SEC23IP: variants seen among roughly 807,000 people sequenced by gnomAD.
The protein encoded by SEC23IP is SEC23 interacting protein.
A neutral mutation model predicts 113.4 loss-of-function variants in SEC23IP; 70 were observed. That is an observed-to-expected ratio of 0.62 (90% CI 0.51 to 0.75). SEC23IP has a LOEUF of 0.75. Among genes scored for constraint, SEC23IP ranks in the 30% least tolerant of loss-of-function variants. SEC23IP has a pLI of 0.00. For synonymous variants in SEC23IP, 398 were observed against 421.0 expected, an observed-to-expected ratio of 0.95 and a Z score of 0.67; for missense variants, 1,160 against 1,204.9, an observed-to-expected ratio of 0.96 and a Z score of 0.55.
chr10:119,932,448 C>T, intron 16 of SEC23IP, 130 bp downstream of exon 16: 1 of 670,748 alleles, frequency 1.5e-6, no homozygotes. Flanking sequence ...AAAGGAAAAT[C>T]TGTTAAGATA....
intron 16 of SEC23IP, 67 bp downstream of exon 16, chr10:119,932,385 T>C: frequency 8.3e-7 from 1 of 1,200,698 alleles, no homozygotes; most frequent in Non-Finnish European, 1.2e-6. Context: ...TTAAAAGTTA[T>C]ATGATGATGC....
intron 6 of SEC23IP, chr10:119,914,464 C>G (rs1854976367): frequency 2.3e-6 from 1 of 430,946 alleles, no homozygotes; most frequent in African/African-American, 2.0e-5. Context: ...TCCATAGATA[C>G]AAACCTGCTG....
At position 119,932,440 on chromosome 10, in the gene SEC23IP, A is replaced by G. The variant is rs570973783; in HGVS notation, c.2758+122A>G. ...TGGTTAAATTATAGAAGCTCTTTAA[A>G]GGAAAATCTGTTAAGATAAACTGTA... On this transcript the variant is annotated intron_variant, in intron 16 of 18. Transcript: ENST00000369075. 1.1e-5 allele frequency: 8 copies of G among 704,958 alleles called. No homozygotes were observed. The East Asian group carries it at 2.2e-4, about 19-fold the overall frequency. 43.7% of individuals were successfully genotyped at this position (704,958 alleles called of 1,614,324 possible). A position where few individuals can be genotyped will look rare whatever the true frequency, so the allele number is the denominator to read the frequency against.
At chr10:119,908,783 A>C (rs1205790747) in intron 4 of SEC23IP, among the ~76,000 whole-genome samples, 1 of 152,196 alleles carries the variant, frequency 6.6e-6, no homozygotes, top group South Asian at 2.1e-4. Context: ...TTGTTAATGC[A>C]GCCCTAGGAA....
intron 1 of SEC23IP, among the ~76,000 whole-genome samples, chr10:119,894,429 A>G (rs1291169769): frequency 2.0e-5 from 3 of 152,256 alleles, no homozygotes; most frequent in Non-Finnish European, 4.4e-5. Flanking sequence ...GATGCTTGTC[A>G]CTACCTGACA....
chr10:119,935,102 C>T (rs369061355), intron 18 of SEC23IP, among the ~76,000 whole-genome samples: 2 of 152,218 alleles, frequency 1.3e-5, no homozygotes, highest in African/African-American at 2.4e-5. Context: ...CAGTGTTCCA[C>T]GTTTTGTGTA....
rs1024606149 is a variant in SEC23IP at position 119,940,991 on chromosome 10, A to C, written c.*426A>C. The C allele has an allele frequency of 6.6e-6, 1 of 152,188 alleles. No homozygotes were observed. The highest frequency in any genetic ancestry group is 1.5e-5 in the Non-Finnish European group (1 of 68,020). 9.4% of individuals were successfully genotyped at this position (152,188 alleles called of 1,614,324 possible). ...TTTATTAATGCAGTATGTTCTTTTT[A>C]TTCAAGTATGAACTTGTTGAGAAAC... On this transcript the variant is annotated 3_prime_UTR_variant, in exon 19 of 19. Transcript: ENST00000369075.
At chr10:119,921,782 A>G (rs1855258001) in intron 12 of SEC23IP, among the ~76,000 whole-genome samples, 1 of 152,106 alleles carries the variant, frequency 6.6e-6, no homozygotes, top group African/African-American at 2.4e-5. Flanking sequence ...AAATTAGATG[A>G]CTCTTAGGGT....
intron 17 of SEC23IP, among the ~76,000 whole-genome samples, chr10:119,933,468 T>C (rs1199981623): frequency 6.6e-6 from 1 of 152,312 alleles, no homozygotes; most frequent in East Asian, 1.9e-4. Flanking sequence ...CCAAGGAGAA[T>C]TGCAACACAG....
chr10:119,925,470 C>G (rs1855389831), intron 12 of SEC23IP, among the ~76,000 whole-genome samples: 1 of 152,136 alleles, frequency 6.6e-6, no homozygotes, highest in Non-Finnish European at 1.5e-5. Flanking sequence ...GAATTTTAAA[C>G]TATAGACATC....
At chr10:119,901,126 G>A (rs536588106) in intron 2 of SEC23IP, among the ~76,000 whole-genome samples, 24 of 149,658 alleles carry the variant, frequency 1.6e-4, no homozygotes, top group African/African-American at 5.9e-4. Flanking sequence ...CTACACTTCA[G>A]CCTCAGGAGT....
At position 119,926,385 on chromosome 10, in the gene SEC23IP, A is replaced by C. The variant is rs182349945; in HGVS notation, c.2313+158A>C. Among the ~76,000 whole-genome samples the C allele has an allele frequency of 4.7e-4, 72 of 152,352 alleles. 1 individual carries two copies. The highest frequency in any genetic ancestry group is 1.8e-4 in the Non-Finnish European group (12 of 68,038). ...AGTGAAAATTTTTTTCTTCTTCAAC[A>C]GTGCTCACAATAAGGGATTAAATGC... On this transcript the variant is annotated intron_variant, in intron 13 of 18. Transcript: ENST00000369075.
intron 10 of SEC23IP, 134 bp downstream of exon 10, chr10:119,918,645 G>C (rs1237045965): frequency 7.7e-6 from 5 of 651,778 alleles, no homozygotes; most frequent in Non-Finnish European, 1.4e-5. Context: ...GAGCCTCATT[G>C]GTTGCTTGGG....
At chr10:119,907,252 C>T (rs12359130) in intron 4 of SEC23IP, among the ~76,000 whole-genome samples, 22,372 of 151,292 alleles carry the variant, frequency 0.15, 2,165 homozygotes, top group East Asian at 0.39. Context: ...GCTGAGATCA[C>T]GCCATTGCAC....
chr10:119,900,237 T>A (rs566446697), intron 2 of SEC23IP, among the ~76,000 whole-genome samples: 42 of 152,124 alleles, frequency 2.8e-4, no homozygotes, highest in Middle Eastern at 6.8e-3. Flanking sequence ...TCAAAATGAT[T>A]TTTTAGAAAT....
intron 8 of SEC23IP, among the ~76,000 whole-genome samples, chr10:119,916,748 A>C (rs1360734755): frequency 6.6e-6 from 1 of 152,216 alleles, no homozygotes; most frequent in Non-Finnish European, 1.5e-5. Flanking sequence ...GAAAAATGGA[A>C]GAGTAATCTT....
At chr10:119,901,742 A>C (rs149276082) in intron 2 of SEC23IP, among the ~76,000 whole-genome samples, 20 of 152,142 alleles carry the variant, frequency 1.3e-4, no homozygotes, top group African/African-American at 4.3e-4. Flanking sequence ...GCTGGAGTGC[A>C]GTGGTGCAGT....
At position 119,941,364 on chromosome 10, in the gene SEC23IP, A is replaced by T. The variant is rs1564930841; in HGVS notation, c.*799A>T. 6.6e-6 allele frequency: 1 copy of T among 152,216 alleles called. No individual in the cohort carries two copies. The highest frequency in any genetic ancestry group is 2.4e-5 in the African/African-American group (1 of 41,454). The allele number at this position is 152,216 out of a possible 1,614,324, so 9.4% of individuals were successfully genotyped here. On this transcript the variant is annotated 3_prime_UTR_variant, in exon 19 of 19. Coordinates refer to ENST00000369075, the MANE Select transcript of SEC23IP (RefSeq NM_007190.4). ...TCCAATAATGTGAAAACCAAAGTAG[A>T]GGTTTTTTTCTTCTTCTTTTTGTTT...
At chr10:119,925,535 A>AT (rs547520023) in intron 12 of SEC23IP, among the ~76,000 whole-genome samples, 3 of 151,880 alleles carry the variant, frequency 2.0e-5, no homozygotes, top group Admixed American at 1.3e-4. Flanking sequence ...ACATGTAAAC[A>AT]TTTTTTTTAA....
Sources: allele counts gnomAD v4.1 joint callset (sites outside exome capture counted in the v4.1 genomes callset), GRCh38; gene constraint gnomAD v4.1.1; transcripts MANE v1.5; gene names NCBI Gene and HGNC (gene_info 2026-07-23, HGNC 2026-07-21).